EFCAB11: variants seen among roughly 807,000 people sequenced by gnomAD.
EFCAB11 encodes EF-hand calcium-binding domain-containing protein 11.
EFCAB11 carries 14 observed loss-of-function variants against 23.0 expected under a neutral mutation model. The ratio of observed to expected loss-of-function variants is 0.61; its 90% CI spans 0.40 to 0.95. The LOEUF (loss-of-function observed/expected upper bound fraction) is 0.95, where lower values mean the gene tolerates loss of function less well. Ranked by LOEUF, EFCAB11 falls within the 40% of genes least tolerant of loss-of-function variation. The pLI is 0.00. For synonymous variants in EFCAB11, 65 were observed against 66.6 expected (o/e 0.98, Z 0.11); for missense variants, 198 against 195.8 (o/e 1.01, Z -0.07).
rs532838200 is a variant in EFCAB11 at position 89,831,491 on chromosome 14, ATGT to A, written c.411-34170_411-34168del. ...TGTGATATCACTACAATAATATGAA[ATGT>A]TGTCTATATAAAAAAGCAAGTTGCT... On this transcript the variant is annotated intron_variant, in intron 5 of 5. Coordinates refer to ENST00000316738, the MANE Select transcript of EFCAB11 (RefSeq NM_145231.4). Among the ~76,000 whole-genome samples, 391 of 152,326 alleles carry A rather than the reference ATGT, an allele frequency of 2.6e-3. 1 individual carries two copies. Among genetic ancestry groups the A allele is most frequent in the African/African-American group, 8.9e-3 (371 of 41,582 alleles).
intron 5 of EFCAB11, among the ~76,000 whole-genome samples, chr14:89,917,554 T>C (rs1596452943): frequency 6.6e-6 from 1 of 152,216 alleles, no homozygotes; most frequent in Non-Finnish European, 1.5e-5. Flanking sequence ...GCAATTAACA[T>C]GGGAGTGCAG....
At chr14:89,954,517 C>T (rs372617902) in intron 1 of EFCAB11, 69 bp downstream of exon 1, 2 of 1,588,026 alleles carry the variant, frequency 1.3e-6, no homozygotes, top group African/African-American at 1.3e-5. Context: ...GAGACCCAGA[C>T]ACGGGAGAGG....
chr14:89,803,749 A>G (rs1168850538), intron 5 of EFCAB11, among the ~76,000 whole-genome samples: 1 of 152,186 alleles, frequency 6.6e-6, no homozygotes, highest in Non-Finnish European at 1.5e-5. Flanking sequence ...AAGACCCGCC[A>G]ATTGAAGATG....
In EFCAB11 at chr14:89,954,644, G is replaced by T; in HGVS notation, c.17C>A (p.Ala6Asp). 1 of 1,612,760 alleles carries T rather than the reference G, an allele frequency of 6.2e-7. No homozygotes were observed. Reference sequence around the variant, plus strand: ...TTCCCACGTCCGCGACCTGGCTCTGGCCTCGGAGAAGAACATCGCGACTAC... The same window carrying T: ...TTCCCACGTCCGCGACCTGGCTCTGTCCTCGGAGAAGAACATCGCGACTAC... MFFSE[A>D]RARSRTWEAS... The change falls in exon 1 of 6, where the codon GCC (alanine) becomes GAC (aspartate). Residue 6 changes from alanine to aspartate, a missense_variant. Ala to Asp is a moderately radical substitution (Grantham distance 126). Transcript: ENST00000316738.
intron 5 of EFCAB11, among the ~76,000 whole-genome samples, chr14:89,852,507 C>T (rs1887628212): frequency 1.3e-5 from 2 of 152,172 alleles, no homozygotes. Context: ...GGACAAGTTC[C>T]AATGGCCTCA....
intron 5 of EFCAB11, among the ~76,000 whole-genome samples, chr14:89,920,421 G>A (rs897963832): frequency 6.6e-6 from 1 of 152,188 alleles, no homozygotes; most frequent in South Asian, 2.1e-4. Flanking sequence ...GGTCTCTAAC[G>A]CTGTTAAAAG....
chr14:89,887,973 G>A lies in EFCAB11; in HGVS notation c.410+43568C>T, dbSNP rs148416431. 2.0e-5 allele frequency among the ~76,000 whole-genome samples: 3 copies of A among 152,292 alleles called. No individual in the cohort carries two copies. The East Asian group carries it at 5.8e-4, about 29-fold the overall frequency. Reference sequence around the variant, plus strand: ...ATACTTGTAGAGAGGCAAGCTCTTAGTTATCAGCTATATCCCAGATGGCCC... The same window carrying A: ...ATACTTGTAGAGAGGCAAGCTCTTAATTATCAGCTATATCCCAGATGGCCC... On this transcript the variant is annotated intron_variant, in intron 5 of 5. Coordinates refer to ENST00000316738, the MANE Select transcript of EFCAB11 (RefSeq NM_145231.4).
At chr14:89,876,942 C>A (rs183040496) in intron 5 of EFCAB11, among the ~76,000 whole-genome samples, 1 of 152,270 alleles carries the variant, frequency 6.6e-6, no homozygotes, top group Non-Finnish European at 1.5e-5. Flanking sequence ...GGACTATCCA[C>A]AATTGATGTC....
intron 5 of EFCAB11, among the ~76,000 whole-genome samples, chr14:89,801,312 A>C (rs1191889823): frequency 6.6e-6 from 1 of 152,114 alleles, no homozygotes; most frequent in Non-Finnish European, 1.5e-5. Context: ...GCACACACAC[A>C]CTGTGGGGGA....
intron 5 of EFCAB11, among the ~76,000 whole-genome samples, chr14:89,823,804 T>C (rs1886602316): frequency 6.6e-6 from 1 of 152,334 alleles, no homozygotes; most frequent in African/African-American, 2.4e-5. Flanking sequence ...TAATAATTCA[T>C]GGACTGGGAT....
intron 5 of EFCAB11, among the ~76,000 whole-genome samples, chr14:89,801,868 C>A (rs1385896905): frequency 1.3e-5 from 2 of 151,984 alleles, no homozygotes; most frequent in African/African-American, 4.8e-5. Context: ...GTGACGCACA[C>A]CTATAATCCC....
At chr14:89,877,106 C>G (rs781205372) in intron 5 of EFCAB11, among the ~76,000 whole-genome samples, 1 of 151,512 alleles carries the variant, frequency 6.6e-6, no homozygotes, top group Non-Finnish European at 1.5e-5. Context: ...GTGGTGTGAT[C>G]TCAGCTCACT....
chr14:89,909,924 A>C (rs1438170459), intron 5 of EFCAB11, among the ~76,000 whole-genome samples: 1 of 152,104 alleles, frequency 6.6e-6, no homozygotes, highest in South Asian at 2.1e-4. Context: ...GCCGGCTATC[A>C]CTTCTCTGAT....
chr14:89,938,193 T>C (rs1213237331), intron 3 of EFCAB11: 11 of 152,100 alleles, frequency 7.2e-5, no homozygotes, highest in African/African-American at 2.4e-4. Flanking sequence ...GAGAAAACAA[T>C]AAAAATCGCA....
At chr14:89,898,502 C>A (rs1200737699) in intron 5 of EFCAB11, among the ~76,000 whole-genome samples, 1 of 152,002 alleles carries the variant, frequency 6.6e-6, no homozygotes, top group African/African-American at 2.4e-5. Context: ...GTGGCTGGAA[C>A]TATAGGCCCA....
At chr14:89,936,650 A>T (rs1447442551) in intron 3 of EFCAB11, among the ~76,000 whole-genome samples, 3 of 152,184 alleles carry the variant, frequency 2.0e-5, no homozygotes, top group Non-Finnish European at 4.4e-5. Flanking sequence ...CTAACGCAAC[A>T]TTTATCCAAA....
intron 5 of EFCAB11, chr14:89,923,663 GC>G: frequency 2.0e-6 from 2 of 984,006 alleles, no homozygotes; most frequent in Non-Finnish European, 2.4e-6. Flanking sequence ...CTGGAAGCAG[GC>G]AGATACTCAA....
intron 5 of EFCAB11, among the ~76,000 whole-genome samples, chr14:89,865,301 A>G (rs1457386667): frequency 6.6e-6 from 1 of 152,204 alleles, no homozygotes; most frequent in Non-Finnish European, 1.5e-5. Flanking sequence ...TCAGCCATAC[A>G]TTATAACCTG....
intron 5 of EFCAB11, among the ~76,000 whole-genome samples, chr14:89,875,747 G>C (rs1353958244): frequency 6.6e-6 from 1 of 152,174 alleles, no homozygotes; most frequent in Non-Finnish European, 1.5e-5. Flanking sequence ...AGATGGGGGT[G>C]AGACACTGAG....
Sources: gnomAD v4.1 joint callset for allele counts (sites outside exome capture counted in the v4.1 genomes callset) on GRCh38, gnomAD v4.1.1 for gene constraint, MANE v1.5 for transcripts, NCBI Gene and HGNC (gene_info 2026-07-23, HGNC 2026-07-21) for gene names.